The following EEF1E1 variants were observed in gnomAD, a reference collection of about 807,000 sequenced individuals.
EEF1E1 encodes the protein eukaryotic translation elongation factor 1 epsilon 1.
Under a neutral mutation model 19.9 loss-of-function variants are expected in EEF1E1, and 19 were observed. That is an observed-to-expected ratio of 0.95 (90% CI 0.66 to 1.40). The LOEUF (loss-of-function observed/expected upper bound fraction) is 1.40, where lower values mean the gene tolerates loss of function less well. EEF1E1 is among the 40% of genes most tolerant of loss of function. EEF1E1 has a pLI of 0.00. For missense variants in EEF1E1, 198 were observed against 202.2 expected, an observed-to-expected ratio of 0.98 and a Z score of 0.13; for synonymous variants, 81 against 80.0, an observed-to-expected ratio of 1.01 and a Z score of -0.07.
At chr6:8,080,421 A>G (rs892611841) in intron 3 of EEF1E1, among the ~76,000 whole-genome samples, 1 of 152,218 alleles carries the variant, frequency 6.6e-6, no homozygotes, top group Non-Finnish European at 1.5e-5. Context: ...GATCCATTTC[A>G]AGTCAATATT....
chr6:8,076,605 G>A (rs6919989), downstream of EEF1E1, among the ~76,000 whole-genome samples: 3,562 of 151,918 alleles, frequency 0.023, 127 homozygotes, highest in African/African-American at 0.073. Context: ...TTACAGGCAT[G>A]AGCCACCACG....
intron 1 of EEF1E1, among the ~76,000 whole-genome samples, chr6:8,099,768 A>C (rs1758278160): frequency 8.3e-6 from 1 of 119,956 alleles, no homozygotes; most frequent in Non-Finnish European, 1.8e-5. Flanking sequence ...ACACACACAC[A>C]CACACACACA....
intron 1 of EEF1E1, among the ~76,000 whole-genome samples, chr6:8,101,243 A>AAAAATAT (rs1271033598): frequency 1.4e-4 from 8 of 58,466 alleles, no homozygotes; most frequent in East Asian, 5.3e-4. Context: ...AAAAAAAAAA[A>AAAAATAT]ATATATATAT....
chr6:8,102,496 A>T lies in EEF1E1; in HGVS notation c.26T>A (p.Leu9Gln). The change falls in exon 1 of 4, where the codon CTA becomes CAA. Residue 9 changes from leucine to glutamine, a missense_variant. By Grantham distance (113) the Leu-to-Gln change is moderately radical. Transcript: ENST00000379715. MAAAAELS[L>Q]LEKSLGLSKG... is the part of the protein sequence containing the mutation. ...ACTCAGTCCCAGGGACTTCTCCAGT[A>T]GCGACAACTCTGCGGCCGCCGCCAT... 1 of 1,612,026 alleles carries T rather than the reference A, an allele frequency of 6.2e-7. No individual in the cohort carries two copies. The highest frequency in any genetic ancestry group is 8.5e-7 in the Non-Finnish European group (1 of 1,179,968).
chr6:8,088,771 T>C (rs541031714), intron 3 of EEF1E1, among the ~76,000 whole-genome samples: 10 of 152,094 alleles, frequency 6.6e-5, no homozygotes, highest in Non-Finnish European at 1.3e-4. Flanking sequence ...GGAGACAAGA[T>C]AAGACAAGGA....
intron 2 of EEF1E1, among the ~76,000 whole-genome samples, chr6:8,093,483 C>T (rs1304831938): frequency 6.6e-6 from 1 of 151,782 alleles, no homozygotes; most frequent in African/African-American, 2.4e-5. Flanking sequence ...AACTATATAC[C>T]CTCCATCTAG....
downstream of EEF1E1, among the ~76,000 whole-genome samples, chr6:8,076,058 C>G (rs988998314): frequency 6.6e-6 from 1 of 152,126 alleles, no homozygotes; most frequent in Non-Finnish European, 1.5e-5. Flanking sequence ...TTTTACTTCT[C>G]TTGTTATTTC....
intron 3 of EEF1E1, chr6:8,073,608 G>C (rs1194313757): frequency 2.8e-6 from 4 of 1,452,462 alleles, no homozygotes; most frequent in Non-Finnish European, 3.7e-6. Flanking sequence ...TATTATTGTT[G>C]TTATTAAAAG....
At chr6:8,073,658 A>G in intron 3 of EEF1E1, 1 of 1,171,568 alleles carries the variant, frequency 8.5e-7, no homozygotes, top group East Asian at 2.7e-5. Context: ...AGATCTTCAT[A>G]ACTGAATACT....
intron 3 of EEF1E1, among the ~76,000 whole-genome samples, chr6:8,082,429 C>A (rs1757745561): frequency 6.6e-6 from 1 of 152,098 alleles, no homozygotes; most frequent in Admixed American, 6.5e-5. Context: ...AGTCACATAC[C>A]ACCACACCTG....
intron 3 of EEF1E1, among the ~76,000 whole-genome samples, chr6:8,088,227 T>C (rs1757917553): frequency 6.6e-6 from 1 of 151,898 alleles, no homozygotes; most frequent in Non-Finnish European, 1.5e-5. Context: ...ATAAAGAGAC[T>C]GATCATGTAG....
At chr6:8,080,192 G>C (rs987378813) in intron 3 of EEF1E1, among the ~76,000 whole-genome samples, 162 bp from the exon 4 acceptor site, 1 of 152,160 alleles carries the variant, frequency 6.6e-6, no homozygotes, top group Non-Finnish European at 1.5e-5. Context: ...TTTCAGCCCA[G>C]TGAACACTGA....
intron 3 of EEF1E1, among the ~76,000 whole-genome samples, chr6:8,089,182 T>A (rs564664910): frequency 6.6e-6 from 1 of 152,104 alleles, no homozygotes; most frequent in South Asian, 2.1e-4. Context: ...GTAGCTGAAG[T>A]TACACAAAAG....
At chr6:8,087,968 T>C (rs1561883824) in intron 3 of EEF1E1, among the ~76,000 whole-genome samples, 1 of 152,170 alleles carries the variant, frequency 6.6e-6, no homozygotes, top group Non-Finnish European at 1.5e-5. Context: ...GAGATGGTCA[T>C]AACAAAGCAC....
chr6:8,074,759 T>C (rs908672756), downstream of EEF1E1, among the ~76,000 whole-genome samples: 1 of 152,230 alleles, frequency 6.6e-6, no homozygotes, highest in Non-Finnish European at 1.5e-5. Flanking sequence ...CAGGTCTTCA[T>C]CTTTCGACCA....
At chr6:8,096,958 T>A (rs1006142413) in intron 2 of EEF1E1, among the ~76,000 whole-genome samples, 1 of 152,214 alleles carries the variant, frequency 6.6e-6, no homozygotes, top group Non-Finnish European at 1.5e-5. Flanking sequence ...AAAAGTCATA[T>A]AATACTGTAA....
chr6:8,096,414 T>C (rs761557294), intron 2 of EEF1E1, among the ~76,000 whole-genome samples: 2 of 152,310 alleles, frequency 1.3e-5, no homozygotes, highest in South Asian at 2.1e-4. Flanking sequence ...ACAACAGACA[T>C]ACAAAGGGCC....
chr6:8,080,085 T>A, intron 3 of EEF1E1, 55 bp from the exon 4 acceptor site: 1 of 1,578,416 alleles, frequency 6.3e-7, no homozygotes, highest in Non-Finnish European at 8.7e-7. Context: ...TAAGCACAAC[T>A]GTTAATATCA....
At chr6:8,073,445 C>T (rs1460063903) in exon 4 of EEF1E1, 1 of 1,550,936 alleles carries the variant, frequency 6.4e-7, no homozygotes, top group Non-Finnish European at 8.7e-7. Flanking sequence ...ATCTCAGTTC[C>T]TTGATCTCAG....
Sources: gnomAD v4.1 joint callset for allele counts (sites outside exome capture counted in the v4.1 genomes callset) on GRCh38, gnomAD v4.1.1 for gene constraint, MANE v1.5 for transcripts, NCBI Gene and HGNC (gene_info 2026-07-23, HGNC 2026-07-21) for gene names.